Variants in ZMYND8 observed in about 807,000 individuals in gnomAD.
ZMYND8 encodes the protein zinc finger MYND-type containing 8.
ZMYND8 carries 37 observed loss-of-function variants against 140.8 expected under a neutral mutation model. That is an observed-to-expected ratio of 0.26 (90% CI 0.20 to 0.35). The LOEUF (loss-of-function observed/expected upper bound fraction) is 0.35, where lower values mean the gene tolerates loss of function less well. Ranked by LOEUF, ZMYND8 falls within the 10% of genes least tolerant of loss-of-function variation. The pLI, the probability that ZMYND8 is intolerant of heterozygous loss-of-function variation, is 1.00. For missense variants in ZMYND8, 1,068 were observed against 1,570.0 expected, an observed-to-expected ratio of 0.68 and a Z score of 5.40; for synonymous variants, 592 against 597.1, an observed-to-expected ratio of 0.99 and a Z score of 0.12.
chr20:47,235,218 T>C (rs2039067364), intron 16 of ZMYND8, among the ~76,000 whole-genome samples: 1 of 152,232 alleles, frequency 6.6e-6, no homozygotes, highest in African/African-American at 2.4e-5. Flanking sequence ...ACTTACTACA[T>C]GCCAGGCATT....
At position 47,276,792 on chromosome 20, in the gene ZMYND8, G is replaced by A. The variant is rs768757625; in HGVS notation, c.1002C>T (p.Ala334=). The A allele has an allele frequency of 6.9e-6, 11 of 1,596,972 alleles. No individual in the cohort carries two copies. The highest frequency in any genetic ancestry group is 8.5e-7 in the Non-Finnish European group (1 of 1,173,418). The change falls in exon 11 of 23, where the codon GCC becomes GCT. Residue 334 remains alanine (A), a synonymous_variant. Transcript: ENST00000471951. ...DARFFGQHDR[A]WVPINNCYLM... Reference sequence around the variant, plus strand: ...GGTAGCAATTATTTATTGGAACCCAGGCCCTAGAAGGGCAAAAGATAAAGA... The same window carrying A: ...GGTAGCAATTATTTATTGGAACCCAAGCCCTAGAAGGGCAAAAGATAAAGA...
chr20:47,313,998 AG>A (rs939116751), intron 2 of ZMYND8, among the ~76,000 whole-genome samples: 4 of 152,194 alleles, frequency 2.6e-5, no homozygotes, highest in Non-Finnish European at 5.9e-5. Flanking sequence ...TCCCAAAAAA[AG>A]ATTTAATATA....
intron 17 of ZMYND8, among the ~76,000 whole-genome samples, chr20:47,229,134 A>G (rs1251454589): frequency 1.3e-5 from 2 of 150,076 alleles, no homozygotes. Flanking sequence ...GGAACACACC[A>G]CCATCTCCTG....
At chr20:47,251,232 T>C (rs1209250685) in intron 12 of ZMYND8, among the ~76,000 whole-genome samples, 1 of 152,104 alleles carries the variant, frequency 6.6e-6, no homozygotes, top group Non-Finnish European at 1.5e-5. Context: ...AAAGACAGGC[T>C]ACTAGAGACA....
chr20:47,283,940 T>C (rs1379992181), intron 8 of ZMYND8, among the ~76,000 whole-genome samples: 1 of 151,964 alleles, frequency 6.6e-6, no homozygotes, highest in Non-Finnish European at 1.5e-5. Context: ...TTTTTTTTTT[T>C]CCTCCAGAGT....
At chr20:47,296,629 C>A (rs2077651910) in intron 4 of ZMYND8, among the ~76,000 whole-genome samples, 1 of 152,140 alleles carries the variant, frequency 6.6e-6, no homozygotes, top group Non-Finnish European at 1.5e-5. Flanking sequence ...GTTTCAGCCC[C>A]CTTCTATCAG....
intron 17 of ZMYND8, among the ~76,000 whole-genome samples, chr20:47,228,091 CAAA>C (rs11295350): frequency 3.8e-4 from 42 of 111,978 alleles, no homozygotes; most frequent in African/African-American, 8.0e-4. Flanking sequence ...AGACTCTTCT[CAAA>C]AAAAAAAAAA....
chr20:47,245,647 A>G (rs2040479031), intron 14 of ZMYND8, among the ~76,000 whole-genome samples: 1 of 152,244 alleles, frequency 6.6e-6, no homozygotes, highest in Non-Finnish European at 1.5e-5. Context: ...AATGTTAACA[A>G]ACACTTTGGG....
intron 5 of ZMYND8, among the ~76,000 whole-genome samples, chr20:47,294,068 C>A (rs114745325): frequency 0.011 from 1,694 of 152,146 alleles, 31 homozygotes; most frequent in African/African-American, 0.039. Context: ...TCTTTTCTGG[C>A]GAGCCACAGT....
At chr20:47,244,602 T>G (rs910137825) in intron 14 of ZMYND8, among the ~76,000 whole-genome samples, 1 of 152,188 alleles carries the variant, frequency 6.6e-6, no homozygotes, top group African/African-American at 2.4e-5. Flanking sequence ...TTGCCACATT[T>G]GTGACTGCCA....
intron 3 of ZMYND8, among the ~76,000 whole-genome samples, chr20:47,307,146 T>TA (rs111537517): frequency 1.3e-5 from 2 of 151,746 alleles, no homozygotes; most frequent in East Asian, 1.9e-4. Flanking sequence ...AGTGCCCTTA[T>TA]AAAAAAAGGG....
At chr20:47,331,049 G>A (rs932043284) in intron 2 of ZMYND8, among the ~76,000 whole-genome samples, 1 of 152,162 alleles carries the variant, frequency 6.6e-6, no homozygotes, top group Non-Finnish European at 1.5e-5. Flanking sequence ...GGAGAAGAGA[G>A]AAGTGGAACA....
Position 47,301,464 on chromosome 20 carries a change from C to T in ZMYND8, c.235-2517G>A, listed in dbSNP as rs377338249. Among the ~76,000 whole-genome samples the T allele has an allele frequency of 6.5e-4, 99 of 152,178 alleles. 2 individuals carry two copies. The South Asian group carries it at 0.017, about 26-fold the overall frequency. On this transcript the variant is annotated intron_variant, in intron 3 of 22. Coordinates refer to ENST00000471951, the MANE Select transcript of ZMYND8 (RefSeq NM_001281775.3). ...GGCCACTGCTCCCAGCTGCATAATT[C>T]TTTAGCCCAGTTATTTCCCTGTGTC...
intron 21 of ZMYND8, among the ~76,000 whole-genome samples, chr20:47,219,160 C>T (rs559794081): frequency 1.0e-4 from 15 of 149,798 alleles, no homozygotes; most frequent in Admixed American, 4.0e-4. Context: ...TGGGTTCAAG[C>T]GATTCTCCTG....
intron 2 of ZMYND8, among the ~76,000 whole-genome samples, chr20:47,345,452 G>T (rs950039673): frequency 2.0e-5 from 3 of 151,882 alleles, no homozygotes; most frequent in Admixed American, 2.0e-4. Flanking sequence ...CTGAGTGGAA[G>T]GGTACTGGAA....
intron 11 of ZMYND8, among the ~76,000 whole-genome samples, chr20:47,270,880 A>G (rs1308955770): frequency 6.6e-6 from 1 of 151,968 alleles, no homozygotes; most frequent in Non-Finnish European, 1.5e-5. Context: ...GATCGAGACC[A>G]TCCTGGCTAA....
intron 2 of ZMYND8, among the ~76,000 whole-genome samples, chr20:47,333,956 T>A (rs969061911): frequency 1.3e-5 from 2 of 149,548 alleles, no homozygotes; most frequent in African/African-American, 2.5e-5. Context: ...GAGGGAGGAA[T>A]GAATAAATGA....
At chr20:47,295,074 C>G (rs1446121835) in intron 4 of ZMYND8, among the ~76,000 whole-genome samples, 3 of 152,180 alleles carry the variant, frequency 2.0e-5, no homozygotes, top group African/African-American at 4.8e-5. Context: ...TTATTATAAC[C>G]TTTAGGTTTC....
At chr20:47,279,984 C>T (rs192020465) in intron 10 of ZMYND8, among the ~76,000 whole-genome samples, 79 of 151,978 alleles carry the variant, frequency 5.2e-4, no homozygotes, top group Non-Finnish European at 1.0e-3. Context: ...ATTAGTTGGG[C>T]GTAGTGGCAC....
Sources: gnomAD v4.1 joint callset for allele counts (sites outside exome capture counted in the v4.1 genomes callset) on GRCh38, gnomAD v4.1.1 for gene constraint, MANE v1.5 for transcripts, NCBI Gene and HGNC (gene_info 2026-07-23, HGNC 2026-07-21) for gene names.